The following PPP2R2B variants were observed in gnomAD, a reference collection of about 807,000 sequenced individuals.
The protein encoded by PPP2R2B is serine/threonine-protein phosphatase 2A 55 kDa regulatory subunit B beta isoform.
PPP2R2B carries 5 observed loss-of-function variants against 46.0 expected under a neutral mutation model. That is an observed-to-expected ratio of 0.11 (90% CI 0.06 to 0.23). PPP2R2B has a LOEUF of 0.23. Among genes scored for constraint, PPP2R2B ranks in the 10% least tolerant of loss-of-function variants. The pLI is 1.00. For synonymous variants in PPP2R2B, 215 were observed against 206.7 expected, an observed-to-expected ratio of 1.04 and a Z score of -0.34; for missense variants, 367 against 575.0, an observed-to-expected ratio of 0.64 and a Z score of 3.70.
chr5:146,625,072 T>C (rs1773956128), intron 7 of PPP2R2B, among the ~76,000 whole-genome samples: 1 of 152,250 alleles, frequency 6.6e-6, no homozygotes, highest in Non-Finnish European at 1.5e-5. Flanking sequence ...GAAGCAACAA[T>C]AAACATTCGT....
chr5:147,049,232 C>T (rs1756683395), intron 1 of PPP2R2B, among the ~76,000 whole-genome samples: 1 of 151,910 alleles, frequency 6.6e-6, no homozygotes, highest in South Asian at 2.1e-4. Context: ...GGAGGTGAAG[C>T]CCAAAGGATG....
intron 5 of PPP2R2B, among the ~76,000 whole-genome samples, chr5:146,677,729 T>A (rs1362937837): frequency 6.6e-6 from 1 of 152,054 alleles, no homozygotes; most frequent in Non-Finnish European, 1.5e-5. Flanking sequence ...GGTTTCACCA[T>A]GTTGCCCAGG....
chr5:146,600,811 C>A (rs555338851), intron 7 of PPP2R2B, among the ~76,000 whole-genome samples: 12 of 152,142 alleles, frequency 7.9e-5, no homozygotes, highest in African/African-American at 1.2e-4. Context: ...TGTTTTACAG[C>A]TTTAGTGAGA....
At chr5:146,644,248 A>G (rs1775426078) in intron 6 of PPP2R2B, among the ~76,000 whole-genome samples, 1 of 147,678 alleles carries the variant, frequency 6.8e-6, no homozygotes, top group Admixed American at 6.8e-5. Flanking sequence ...AAAAAAAAAA[A>G]AAAAAAAAAA....
chr5:146,633,058 C>T (rs1561789163), intron 7 of PPP2R2B, among the ~76,000 whole-genome samples: 1 of 152,154 alleles, frequency 6.6e-6, no homozygotes, highest in African/African-American at 2.4e-5. Context: ...TCCACTCTAG[C>T]TAAGTACTGC....
rs535703018 is a variant in PPP2R2B, at chr5:146,749,082, C to T, written c.71-47940G>A. The stretch of plus-strand genomic sequence containing the variant: ...TCTCTGCATTCCAGCACTTGTATTG[C>T]TACCATTTCATTTTAGCCACTGTGA... On this transcript the variant is annotated intron_variant, in intron 2 of 9. Transcript: ENST00000394411. Among the ~76,000 whole-genome samples the T allele has an allele frequency of 1.8e-4, 27 of 152,282 alleles. No homozygotes were observed. The South Asian group carries it at 2.1e-3, about 12-fold the overall frequency.
intron 5 of PPP2R2B, among the ~76,000 whole-genome samples, chr5:146,662,709 T>G (rs1178286326): frequency 1.3e-5 from 2 of 152,164 alleles, no homozygotes; most frequent in Non-Finnish European, 2.9e-5. Flanking sequence ...CTATACTGAT[T>G]GAAGGTTTAT....
At chr5:147,076,453 T>C (rs1757768891) in intron 2 of PPP2R2B, among the ~76,000 whole-genome samples, 1 of 152,196 alleles carries the variant, frequency 6.6e-6, no homozygotes, top group African/African-American at 2.4e-5. Flanking sequence ...CTTTTAACAG[T>C]GCTGATCTGT....
At chr5:146,920,533 T>A (rs1008511888) in intron 1 of PPP2R2B, among the ~76,000 whole-genome samples, 1 of 152,232 alleles carries the variant, frequency 6.6e-6, no homozygotes, top group Non-Finnish European at 1.5e-5. Context: ...ATTGCTTTGT[T>A]CAGAAGTGCT....
chr5:146,823,751 C>G (rs1260961588), intron 2 of PPP2R2B, among the ~76,000 whole-genome samples: 1 of 152,064 alleles, frequency 6.6e-6, no homozygotes, highest in Non-Finnish European at 1.5e-5. Flanking sequence ...CTGAATTTTC[C>G]TTTTAATAAC....
intron 1 of PPP2R2B, among the ~76,000 whole-genome samples, chr5:147,009,799 T>C (rs1754623971): frequency 1.3e-5 from 2 of 151,940 alleles, no homozygotes; most frequent in South Asian, 4.2e-4. Flanking sequence ...AAATTATTGT[T>C]AAAGTGGTTA....
At chr5:146,685,404 T>C (rs554419269) in intron 5 of PPP2R2B, among the ~76,000 whole-genome samples, 4 of 152,354 alleles carry the variant, frequency 2.6e-5, no homozygotes, top group South Asian at 4.1e-4. Flanking sequence ...AGCCTGTCAC[T>C]AAGAAAGGCT....
chr5:146,894,673 C>G (rs1175807658), intron 1 of PPP2R2B, among the ~76,000 whole-genome samples: 3 of 152,156 alleles, frequency 2.0e-5, no homozygotes, highest in Non-Finnish European at 4.4e-5. Flanking sequence ...CTCCAGGGCT[C>G]AAGTGATCCA....
At chr5:146,834,464 C>T (rs1211804850) in intron 2 of PPP2R2B, among the ~76,000 whole-genome samples, 3 of 152,198 alleles carry the variant, frequency 2.0e-5, no homozygotes, top group Admixed American at 6.5e-5. Flanking sequence ...TTTGGTTTAG[C>T]TATAAATATT....
chr5:146,593,419 C>T (rs1297079943), intron 8 of PPP2R2B, among the ~76,000 whole-genome samples: 1 of 152,226 alleles, frequency 6.6e-6, no homozygotes, highest in Non-Finnish European at 1.5e-5. Flanking sequence ...ACCTACTACG[C>T]ACTTGAGATG....
At chr5:147,048,178 AAGAAT>A (rs1045129483) in intron 1 of PPP2R2B, among the ~76,000 whole-genome samples, 74 of 152,160 alleles carry the variant, frequency 4.9e-4, no homozygotes, top group African/African-American at 1.7e-3. Context: ...GTATACCTTA[AAGAAT>A]AGATGAGTGT....
chr5:147,045,341 G>A (rs1017985942), intron 1 of PPP2R2B, among the ~76,000 whole-genome samples: 3 of 152,082 alleles, frequency 2.0e-5, no homozygotes, highest in African/African-American at 7.2e-5. Context: ...ATATGTTTAA[G>A]TCTGGAAATA....
intron 6 of PPP2R2B, among the ~76,000 whole-genome samples, chr5:146,640,479 C>T (rs1205712114): frequency 1.3e-5 from 2 of 152,212 alleles, no homozygotes; most frequent in Non-Finnish European, 2.9e-5. Flanking sequence ...CTGACCCATG[C>T]CCTGGGCTTT....
intron 1 of PPP2R2B, among the ~76,000 whole-genome samples, chr5:146,950,577 C>A (rs1024185871): frequency 2.6e-5 from 4 of 151,968 alleles, no homozygotes; most frequent in African/African-American, 9.7e-5. Flanking sequence ...AGTACTTTTC[C>A]AAGTACTGAC....
Sources: allele counts gnomAD v4.1 joint callset (sites outside exome capture counted in the v4.1 genomes callset), GRCh38; gene constraint gnomAD v4.1.1; transcripts MANE v1.5; gene names NCBI Gene and HGNC (gene_info 2026-07-23, HGNC 2026-07-21).